The following NAALADL2 variants were observed in gnomAD, a reference collection of about 807,000 sequenced individuals.
NAALADL2 encodes N-acetylated alpha-linked acidic dipeptidase like 2.
A neutral mutation model predicts 87.2 loss-of-function variants in NAALADL2; 76 were observed. The observed-to-expected ratio is 0.87, with a 90% CI of 0.72 to 1.05. The LOEUF (loss-of-function observed/expected upper bound fraction) is 1.05, where lower values mean the gene tolerates loss of function less well. NAALADL2 is among the 50% of genes least tolerant of loss of function. NAALADL2 has a pLI of 0.00. For missense variants in NAALADL2, 1,089 were observed against 945.8 expected (o/e 1.15, Z -1.99); for synonymous variants, 354 against 331.0 (o/e 1.07, Z -0.75).
chr3:175,575,296 T>C (rs1718696720), intron 9 of NAALADL2, among the ~76,000 whole-genome samples: 1 of 152,226 alleles, frequency 6.6e-6, no homozygotes, highest in African/African-American at 2.4e-5. Context: ...TTATTTGTTA[T>C]TTATTGAGAT....
rs763830962 is a variant in NAALADL2 at position 174,948,457 on chromosome 3, G to A, written c.43+89007G>A. 4.6e-5 allele frequency among the ~76,000 whole-genome samples: 7 copies of A among 152,188 alleles called. No individual in the cohort carries two copies. In the East Asian group the frequency reaches 7.7e-4, roughly 17 times the overall value. ...CTCTCAAAGTGCTGGGATTACAGGC[G>A]TGAGCCACCACGCCTGGCAAGAATT... On this transcript the variant is annotated intron_variant, in intron 1 of 13. Coordinates refer to ENST00000454872, the MANE Select transcript of NAALADL2 (RefSeq NM_207015.3).
intron 3 of NAALADL2, among the ~76,000 whole-genome samples, chr3:174,843,899 A>T (rs1435393652): frequency 6.6e-6 from 1 of 152,094 alleles, no homozygotes; most frequent in African/African-American, 2.4e-5. Context: ...TGAGTTGTTT[A>T]AAGTGTTTAT....
At chr3:174,806,091 A>G (rs950799202) in intron 3 of NAALADL2, among the ~76,000 whole-genome samples, 1 of 152,212 alleles carries the variant, frequency 6.6e-6, no homozygotes, top group African/African-American at 2.4e-5. Context: ...TGGATGATGA[A>G]TTAGTAATTA....
At chr3:175,270,159 T>G (rs1344999446) in intron 4 of NAALADL2, among the ~76,000 whole-genome samples, 1 of 152,168 alleles carries the variant, frequency 6.6e-6, no homozygotes, top group Non-Finnish European at 1.5e-5. Flanking sequence ...TGGGAGCTGA[T>G]TGAGTGGTTA....
At chr3:175,694,220 A>G (rs1222111410) in intron 11 of NAALADL2, among the ~76,000 whole-genome samples, 3 of 152,168 alleles carry the variant, frequency 2.0e-5, no homozygotes, top group Non-Finnish European at 4.4e-5. Context: ...AAGCTTACTA[A>G]AATAGGTGAA....
intron 5 of NAALADL2, among the ~76,000 whole-genome samples, chr3:175,355,214 G>A (rs1260647314): frequency 6.6e-6 from 1 of 151,698 alleles, no homozygotes; most frequent in Non-Finnish European, 1.5e-5. Context: ...GACTACAGGT[G>A]TGCATCACCA....
chr3:174,807,921 A>T (rs886970267), intron 3 of NAALADL2, among the ~76,000 whole-genome samples: 1 of 146,392 alleles, frequency 6.8e-6, no homozygotes, highest in East Asian at 2.1e-4. Flanking sequence ...CAGTAGTAGA[A>T]TGTGTCTCTA....
At chr3:175,704,408 T>C (rs928606313) in intron 11 of NAALADL2, among the ~76,000 whole-genome samples, 1 of 152,170 alleles carries the variant, frequency 6.6e-6, no homozygotes, top group Non-Finnish European at 1.5e-5. Flanking sequence ...CACAAACCCC[T>C]TTTCTTAGAG....
chr3:175,579,755 T>A (rs1020891238), intron 10 of NAALADL2, among the ~76,000 whole-genome samples: 1 of 152,116 alleles, frequency 6.6e-6, no homozygotes, highest in Non-Finnish European at 1.5e-5. Flanking sequence ...TGATTAAGAG[T>A]GCAATATTTA....
At chr3:175,547,702 CA>C in intron 9 of NAALADL2, among the ~76,000 whole-genome samples, 1 of 152,076 alleles carries the variant, frequency 6.6e-6, no homozygotes, top group Admixed American at 6.5e-5. Flanking sequence ...GGAACTTAAA[CA>C]AATTTACAAG....
rs1000396970 is a variant in NAALADL2, at chr3:175,733,016, C to G, written c.1897-4290C>G. Among the ~76,000 whole-genome samples, 13 of 152,128 alleles carry G rather than the reference C, an allele frequency of 8.5e-5. 1 individual carries two copies. In the East Asian group the frequency reaches 2.5e-3, roughly 29 times the overall value. Reference sequence around the variant, plus strand: ...AACAAACCACCATCATCTACATTTACCTATGTAACAAACCTGCATATCCTG... The same window carrying G: ...AACAAACCACCATCATCTACATTTAGCTATGTAACAAACCTGCATATCCTG... On this transcript the variant is annotated intron_variant, in intron 11 of 13. Transcript: ENST00000454872.
At chr3:175,610,891 AT>A (rs1457744034) in intron 10 of NAALADL2, among the ~76,000 whole-genome samples, 2 of 152,124 alleles carry the variant, frequency 1.3e-5, no homozygotes, top group Non-Finnish European at 2.9e-5. Flanking sequence ...ATATTAATAT[AT>A]AACTGTTAGT....
At chr3:174,727,231 C>T (rs59887185) in intron 2 of NAALADL2, among the ~76,000 whole-genome samples, 2,131 of 140,778 alleles carry the variant, frequency 0.015, 59 homozygotes, top group African/African-American at 0.055. Context: ...ACAAATTTTT[C>T]GATCACCTGC....
chr3:175,357,768 AGTAATG>A (rs1388693213), intron 5 of NAALADL2, among the ~76,000 whole-genome samples: 1 of 152,208 alleles, frequency 6.6e-6, no homozygotes, highest in African/African-American at 2.4e-5. Flanking sequence ...TATCAGTCAA[AGTAATG>A]GTAGGTGTGC....
At chr3:175,137,802 T>G (rs562570355) in intron 2 of NAALADL2, among the ~76,000 whole-genome samples, 28 of 152,048 alleles carry the variant, frequency 1.8e-4, no homozygotes, top group African/African-American at 6.7e-4. Context: ...TTTTGTATTT[T>G]TAATAGAGAT....
intron 3 of NAALADL2, among the ~76,000 whole-genome samples, chr3:174,770,875 AC>A (rs1241105805): frequency 6.6e-6 from 1 of 151,920 alleles, no homozygotes; most frequent in Non-Finnish European, 1.5e-5. Context: ...AAAAAGAAAT[AC>A]GTATTTTTTA....
chr3:175,650,327 T>C (rs1314757558), intron 11 of NAALADL2, among the ~76,000 whole-genome samples: 27 of 152,154 alleles, frequency 1.8e-4, no homozygotes. Flanking sequence ...ACAGTGAGTC[T>C]TTCACAGTAT....
intron 3 of NAALADL2, among the ~76,000 whole-genome samples, chr3:174,827,062 A>G (rs1399577479): frequency 6.6e-6 from 1 of 152,176 alleles, no homozygotes; most frequent in Admixed American, 6.5e-5. Context: ...TGCCCGTTTT[A>G]AACTTCTTGA....
upstream of NAALADL2, among the ~76,000 whole-genome samples, chr3:174,854,437 T>C (rs1267063698): frequency 6.6e-6 from 1 of 152,106 alleles, no homozygotes; most frequent in Non-Finnish European, 1.5e-5. Context: ...AAAACTACAG[T>C]TTGATAGAAG....
Sources: allele counts gnomAD v4.1 joint callset (sites outside exome capture counted in the v4.1 genomes callset), GRCh38; gene constraint gnomAD v4.1.1; transcripts MANE v1.5; gene names NCBI Gene and HGNC (gene_info 2026-07-23, HGNC 2026-07-21).